PADI3: variants seen among roughly 807,000 people sequenced by gnomAD.
The protein encoded by PADI3 is protein-arginine deiminase type-3.
PADI3 carries 53 observed loss-of-function variants against 71.5 expected under a neutral mutation model. The ratio of observed to expected loss-of-function variants is 0.74; its 90% CI spans 0.59 to 0.93. The LOEUF is 0.93. PADI3 is among the 40% of genes least tolerant of loss of function. PADI3 has a pLI of 0.00. For missense variants in PADI3, 821 were observed against 868.0 expected (o/e 0.95, Z 0.68); for synonymous variants, 361 against 347.5 (o/e 1.04, Z -0.43).
At chr1:17,265,766 C>T (rs2073160430) in intron 4 of PADI3, 46 bp downstream of exon 4, 1 of 1,561,924 alleles carries the variant, frequency 6.4e-7, no homozygotes, top group Non-Finnish European at 8.8e-7. Context: ...GCAGTTGGAG[C>T]TTGCTCTAGG....
chr1:17,275,295 G>C (rs2073313315), intron 11 of PADI3, among the ~76,000 whole-genome samples: 1 of 151,614 alleles, frequency 6.6e-6, no homozygotes, highest in South Asian at 2.1e-4. Context: ...AAATTAGCCA[G>C]GCGTGGTGGC....
chr1:17,281,260 C>A (rs1382409509), intron 15 of PADI3, among the ~76,000 whole-genome samples: 1 of 152,158 alleles, frequency 6.6e-6, no homozygotes, highest in Non-Finnish European at 1.5e-5. Flanking sequence ...AAACTCTTCC[C>A]TTCTCTGAGG....
intron 13 of PADI3, among the ~76,000 whole-genome samples, chr1:17,278,265 T>C (rs12044550): frequency 0.38 from 58,559 of 152,156 alleles, 13,350 homozygotes; most frequent in East Asian, 0.63. Context: ...ACAGGGTCTA[T>C]CAGCCAGGCT....
intron 2 of PADI3, among the ~76,000 whole-genome samples, chr1:17,261,091 G>A (rs189378032): frequency 4.6e-5 from 7 of 152,288 alleles, no homozygotes; most frequent in African/African-American, 1.4e-4. Context: ...GGGCTCCCAG[G>A]ACTACAGAGG....
chr1:17,252,557 C>CGG, intron 1 of PADI3, among the ~76,000 whole-genome samples: 1 of 152,110 alleles, frequency 6.6e-6, no homozygotes, highest in Non-Finnish European at 1.5e-5. Flanking sequence ...GCGTGCACCA[C>CGG]CATCCCCGAC....
rs143396189 is a variant in PADI3 at position 17,271,151 on chromosome 1, C to T, written c.1020C>T (p.Ala340=). 119 of 1,613,498 alleles carry T rather than the reference C, an allele frequency of 7.4e-5. 1 individual carries two copies. The highest frequency in any genetic ancestry group is 9.0e-5 in the Non-Finnish European group (106 of 1,179,998). ...GCAAGCTGACCATCTGCCCACAGGC[C>T]GAGAACCGCAACGACCGCTGGATCC... ...AGCKLTICPQ[A]ENRNDRWIQD... is the part of the protein sequence containing the mutation. Residue 340 remains alanine, a synonymous_variant, in exon 9 of 16, where the codon GCC becomes GCT. Transcript: ENST00000375460.
intron 6 of PADI3, among the ~76,000 whole-genome samples, chr1:17,269,086 T>C (rs2073210973): frequency 6.6e-6 from 1 of 151,620 alleles, no homozygotes; most frequent in Non-Finnish European, 1.5e-5. Flanking sequence ...GGTTTCACCA[T>C]GCTGCCCAGG....
chr1:17,268,357 GA>G lies in PADI3; in HGVS notation c.652+396del, dbSNP rs932941040. On this transcript the variant is annotated intron_variant, in intron 6 of 15. Transcript: ENST00000375460. ...TGTAAAACCAACCCCAAACACCATA[GA>G]TTTCACCCAATTAATTCAGTTTGTA... Among the ~76,000 whole-genome samples the G allele has an allele frequency of 3.6e-4, 55 of 152,180 alleles. 1 individual carries two copies. Among genetic ancestry groups the G allele is most frequent in the Admixed American group, 3.2e-3 (49 of 15,274 alleles).
chr1:17,258,650 C>T (rs979034352), intron 1 of PADI3, among the ~76,000 whole-genome samples: 3 of 152,242 alleles, frequency 2.0e-5, no homozygotes, highest in East Asian at 1.9e-4. Context: ...AGGCTTGTCA[C>T]GAGGCCTCCT....
chr1:17,280,528 A>C (rs868147395), intron 14 of PADI3, 99 bp downstream of exon 14: 2 of 1,494,598 alleles, frequency 1.3e-6, no homozygotes, highest in African/African-American at 1.4e-5. Flanking sequence ...TGTTCATGAA[A>C]GCTCAGGTTA....
rs114078998 is a variant in PADI3 at position 17,260,347 on chromosome 1, A to G, written c.273+589A>G. On this transcript the variant is annotated intron_variant, in intron 2 of 15. Coordinates refer to ENST00000375460, the MANE Select transcript of PADI3 (RefSeq NM_016233.2). ...GAAATGGGTGGCCTTTAAGCTTGGC[A>G]CAGGTGATGTTTGCTTCGAGGGCTG... Among the ~76,000 whole-genome samples the G allele has an allele frequency of 4.9e-3, 744 of 152,250 alleles. 5 individuals carry two copies. Among genetic ancestry groups the G allele is most frequent in the African/African-American group, 0.017 (714 of 41,534 alleles).
chr1:17,270,215 C>G lies in PADI3; in HGVS notation c.653-18C>G, dbSNP rs2073226639. ...GGGCCCACAGGGAGTCACAGCCACCCCGTCCCTCCCCTTCCAGGTCCTGAG... is the reference window on the plus strand; with the variant it reads ...GGGCCCACAGGGAGTCACAGCCACCGCGTCCCTCCCCTTCCAGGTCCTGAG... On this transcript the variant is annotated intron_variant, in intron 6 of 15. Transcript: ENST00000375460. 6.2e-7 allele frequency: 1 copy of G among 1,600,040 alleles called. No homozygotes were observed. Among genetic ancestry groups the G allele is most frequent in the South Asian group, 1.1e-5 (1 of 89,386 alleles).
Position 17,276,757 on chromosome 1 carries a change from C to G in PADI3, c.1453-17C>G. 1 of 1,613,618 alleles carries G rather than the reference C, an allele frequency of 6.2e-7. No homozygotes were observed. The highest frequency in any genetic ancestry group is 8.5e-7 in the Non-Finnish European group (1 of 1,179,734). ...GCCAAGGCAGGAGGCTCAGCTGAATCTGTTCTCTGCACGCAGGGCTTCCGG... is the reference window on the plus strand; with the variant it reads ...GCCAAGGCAGGAGGCTCAGCTGAATGTGTTCTCTGCACGCAGGGCTTCCGG... On this transcript the variant is annotated splice_polypyrimidine_tract_variant and intron_variant, in intron 12 of 15. Transcript: ENST00000375460.
Position 17,267,819 on chromosome 1 carries a change from CTCTG to C in PADI3, c.527-13_527-10del, listed in dbSNP as rs1299854878. On this transcript the variant is annotated splice_polypyrimidine_tract_variant and intron_variant, in intron 5 of 15. Transcript: ENST00000375460. ...CCAGGACTCCCTTGAGTCACTACCA[CTCTG>C]TCTGGCTTCACAGACCTGGAAGACA... 1.2e-6 allele frequency: 2 copies of C among 1,612,486 alleles called. No homozygotes were observed. The highest frequency in any genetic ancestry group is 1.3e-5 in the African/African-American group (1 of 74,954).
In PADI3 at chr1:17,262,159, T is replaced by TGCG. The variant is rs2073110261; in HGVS notation, c.301_302insCGG (p.His100_Glu101insAla). On this transcript the variant is annotated inframe_insertion, in exon 3 of 16. Transcript: ENST00000375460. Reference sequence around the variant, plus strand: ...TTCAGATTTCCTACCACTCCAGCCATGAGCCTCTGCCCCTGGCCTATGCGG... The same window carrying TGCG: ...TTCAGATTTCCTACCACTCCAGCCATGCGGAGCCTCTGCCCCTGGCCTATGCGG... 1 of 1,613,434 alleles carries TGCG rather than the reference T, an allele frequency of 6.2e-7. No individual in the cohort carries two copies. The highest frequency in any genetic ancestry group is 1.3e-5 in the African/African-American group (1 of 74,840).
chr1:17,275,166 G>A (rs2073311294), intron 11 of PADI3, among the ~76,000 whole-genome samples: 1 of 152,020 alleles, frequency 6.6e-6, no homozygotes. Context: ...AGTGGGCATG[G>A]TGGTTCATGC....
intron 1 of PADI3, among the ~76,000 whole-genome samples, chr1:17,251,880 T>TG (rs1057323347): frequency 7.9e-5 from 12 of 152,300 alleles, no homozygotes; most frequent in South Asian, 4.1e-4. Flanking sequence ...GAACAGTCTC[T>TG]GGACCGTATT....
At chr1:17,262,864 A>G (rs532157711) in intron 3 of PADI3, among the ~76,000 whole-genome samples, 10 of 152,348 alleles carry the variant, frequency 6.6e-5, no homozygotes, top group Admixed American at 6.5e-4. Flanking sequence ...ACAGTATCAA[A>G]CAGTCTAAAT....
Position 17,283,678 on chromosome 1 carries a change from T to TAGTA in PADI3, c.*600_*603dup, listed in dbSNP as rs1308806941. On this transcript the variant is annotated 3_prime_UTR_variant, in exon 16 of 16. Transcript: ENST00000375460. ...CCCTCACCCAGCGTGAGCTGTCACA[T>TAGTA]AGTAGGAGCTTCTAGATGCATGTGG... The TAGTA allele has an allele frequency of 6.6e-6, 1 of 152,364 alleles. No homozygotes were observed. Among genetic ancestry groups the TAGTA allele is most frequent in the African/African-American group, 2.4e-5 (1 of 41,444 alleles). The allele number at this position is 152,364 out of a possible 1,614,324, so 9.4% of individuals were successfully genotyped here.
Sources: allele counts gnomAD v4.1 joint callset (sites outside exome capture counted in the v4.1 genomes callset), GRCh38; gene constraint gnomAD v4.1.1; transcripts MANE v1.5; gene names NCBI Gene and HGNC (gene_info 2026-07-23, HGNC 2026-07-21).